The following KDM5A variants were observed in gnomAD, a reference collection of about 807,000 sequenced individuals.
KDM5A encodes the protein lysine demethylase 5A.
KDM5A carries 42 observed loss-of-function variants against 193.5 expected under a neutral mutation model. That is an observed-to-expected ratio of 0.22 (90% CI 0.17 to 0.28). The LOEUF is 0.28. Among genes scored for constraint, KDM5A ranks in the 10% least tolerant of loss-of-function variants. The pLI is 1.00. For synonymous variants in KDM5A, 796 were observed against 718.1 expected (o/e 1.11, Z -1.73); for missense variants, 1,692 against 2,055.1 (o/e 0.82, Z 3.42).
At chr12:382,309 T>A (rs1944584268) in intron 3 of KDM5A, among the ~76,000 whole-genome samples, 1 of 151,980 alleles carries the variant, frequency 6.6e-6, no homozygotes, top group South Asian at 2.1e-4. Context: ...CAGGCACCTG[T>A]AATCCCAGGT....
In KDM5A at chr12:281,704, A is replaced by C. The variant is rs538291259; in HGVS notation, c.*3752T>G. 11 of 235,476 alleles carry C rather than the reference A, an allele frequency of 4.7e-5. No individual in the cohort carries two copies. The highest frequency in any genetic ancestry group is 8.4e-5 in the Non-Finnish European group (10 of 119,374). The allele number at this position is 235,476 out of a possible 1,614,324, so 14.6% of individuals were successfully genotyped here. A position where few individuals can be genotyped will look rare whatever the true frequency, so the allele number is the denominator to read the frequency against. On this transcript the variant is annotated 3_prime_UTR_variant, in exon 28 of 28. Transcript: ENST00000399788. Reference sequence around the variant, plus strand: ...ATTTCCACTTTTCAAATCCCATGCCAAACTGTCACTTTTTCCCTTAAAAAG... The same window carrying C: ...ATTTCCACTTTTCAAATCCCATGCCCAACTGTCACTTTTTCCCTTAAAAAG...
At chr12:323,832 T>A (rs1291612228) in intron 14 of KDM5A, 51 bp from the exon 15 acceptor site, 1 of 1,488,562 alleles carries the variant, frequency 6.7e-7, no homozygotes, top group Admixed American at 1.7e-5. Context: ...CTTTAAAGCA[T>A]CAAAAAACTT....
chr12:361,410 G>A (rs1944293831), intron 5 of KDM5A, among the ~76,000 whole-genome samples: 1 of 152,086 alleles, frequency 6.6e-6, no homozygotes, highest in African/African-American at 2.4e-5. Flanking sequence ...TAGCCAGGAT[G>A]GTCTTGATCT....
intron 3 of KDM5A, among the ~76,000 whole-genome samples, chr12:369,041 G>A (rs962164478): frequency 3.3e-5 from 5 of 152,126 alleles, no homozygotes; most frequent in African/African-American, 1.2e-4. Context: ...ACCTATGGCC[G>A]AAGTACAATT....
At chr12:288,978 T>TAA (rs1408064327) in intron 27 of KDM5A, among the ~76,000 whole-genome samples, 1 of 152,226 alleles carries the variant, frequency 6.6e-6, no homozygotes, top group Non-Finnish European at 1.5e-5. Flanking sequence ...TTATCTGTGC[T>TAA]AAAAGGAGAT....
Position 389,136 on chromosome 12 carries a change from G to C in KDM5A, c.-45C>G, listed in dbSNP as rs552399890. On this transcript the variant is annotated 5_prime_UTR_variant, in exon 1 of 28. Coordinates refer to ENST00000399788, the MANE Select transcript of KDM5A (RefSeq NM_001042603.3). ...GGGGGGTCCCCGTGGGGAACCGGTG[G>C]AGAAAAGCTGGCTGAAGCCCACTAA... The C allele has an allele frequency of 5.1e-4, 797 of 1,578,026 alleles. 4 individuals are homozygous for C. The South Asian group carries it at 5.3e-3, about 11-fold the overall frequency.
intron 22 of KDM5A, among the ~76,000 whole-genome samples, chr12:308,558 T>C (rs963671458): frequency 9.9e-5 from 15 of 152,190 alleles, no homozygotes; most frequent in African/African-American, 3.1e-4. Flanking sequence ...ATAACAAAAC[T>C]TGACGATCAG....
At chr12:315,114 G>T (rs554061486) in intron 19 of KDM5A, among the ~76,000 whole-genome samples, 1 of 152,158 alleles carries the variant, frequency 6.6e-6, no homozygotes, top group Admixed American at 6.5e-5. Flanking sequence ...GGCAAGCTAC[G>T]ACAGCAGCCT....
intron 10 of KDM5A, among the ~76,000 whole-genome samples, chr12:336,267 G>C (rs1943931683): frequency 6.6e-6 from 1 of 150,916 alleles, no homozygotes; most frequent in African/African-American, 2.4e-5. Context: ...GCTGAGGTGG[G>C]AGGATCCCGT....
Position 297,188 on chromosome 12 carries a change from C to T in KDM5A, c.4087G>A (p.Val1363Met). The T allele has an allele frequency of 6.2e-7, 1 of 1,614,050 alleles. No homozygotes were observed. Among genetic ancestry groups the T allele is most frequent in the Non-Finnish European group, 8.5e-7 (1 of 1,179,954 alleles). Reference protein sequence around the residue: ...YGYDMKDTASVKSSSSLEPNL... With the variant: ...YGYDMKDTASMKSSSSLEPNL... Reference sequence around the variant, plus strand: ...GGTTCAAGACTACTAGAGGACTTCACACTGGCTGTGTCCTGAAGAAGAAAC... The same window carrying T: ...GGTTCAAGACTACTAGAGGACTTCATACTGGCTGTGTCCTGAAGAAGAAAC... The change falls in exon 25 of 28, where the codon GTG becomes ATG. Residue 1363 changes from valine to methionine, a missense_variant. By Grantham distance (21) the Val-to-Met change is conservative (BLOSUM62 1). This residue lies in a region of KDM5A where 965 missense variants were observed against 1,061.0 expected (regional missense o/e 0.91). Coordinates refer to ENST00000399788, the MANE Select transcript of KDM5A (RefSeq NM_001042603.3).
At chr12:352,987 C>G (rs1944182308) in intron 8 of KDM5A, among the ~76,000 whole-genome samples, 1 of 152,154 alleles carries the variant, frequency 6.6e-6, no homozygotes, top group African/African-American at 2.4e-5. Flanking sequence ...ACGACAATGA[C>G]AACACTGTAA....
In KDM5A at chr12:285,149, T is replaced by C; in HGVS notation, c.*307A>G. The C allele has an allele frequency of 2.3e-6, 1 of 441,440 alleles. No individual in the cohort carries two copies. Among genetic ancestry groups the C allele is most frequent in the South Asian group, 3.0e-5 (1 of 33,424 alleles). 27.3% of individuals were successfully genotyped at this position (441,440 alleles called of 1,614,324 possible). A position where few individuals can be genotyped will look rare whatever the true frequency, so the allele number is the denominator to read the frequency against. On this transcript the variant is annotated 3_prime_UTR_variant, in exon 28 of 28. Transcript: ENST00000399788. ...CCTATATGCCCTGTTAGCACACCAATGTATTAATACTAACCAGCCACCCTA... is the reference window on the plus strand; with the variant it reads ...CCTATATGCCCTGTTAGCACACCAACGTATTAATACTAACCAGCCACCCTA...
intron 10 of KDM5A, among the ~76,000 whole-genome samples, chr12:334,724 C>T (rs1199905546): frequency 6.6e-6 from 1 of 152,180 alleles, no homozygotes; most frequent in African/African-American, 2.4e-5. Flanking sequence ...CATCTTAATA[C>T]AACATCACTA....
At position 323,739 on chromosome 12, in the gene KDM5A, C is replaced by T. The variant is rs2137412111; in HGVS notation, c.2011G>A (p.Asp671Asn). 6.2e-7 allele frequency: 1 copy of T among 1,614,074 alleles called. No individual in the cohort carries two copies. Among genetic ancestry groups the T allele is most frequent in the Non-Finnish European group, 8.5e-7 (1 of 1,179,948 alleles). The stretch of plus-strand genomic sequence containing the variant: ...CATGCTGAACACTGCCGCTCATCAT[C>T]AGGAACAAGTTCAAACACTTCTTCT... ...SEEEVFELVP[D>N]DERQCSACRT... Residue 671 changes from aspartate (D) to asparagine (N), a missense_variant, in exon 15 of 28, where the codon GAT becomes AAT. This residue lies in a region of KDM5A where 88 missense variants were observed against 124.6 expected (regional missense o/e 0.71). Coordinates refer to ENST00000399788, the MANE Select transcript of KDM5A (RefSeq NM_001042603.3).
intron 27 of KDM5A, among the ~76,000 whole-genome samples, chr12:289,252 A>G (rs943742402): frequency 2.6e-5 from 4 of 152,142 alleles, no homozygotes; most frequent in Non-Finnish European, 5.9e-5. Context: ...ATACTACTTA[A>G]ATTAGTAGCC....
At chr12:357,881 C>T (rs987813757) in intron 5 of KDM5A, among the ~76,000 whole-genome samples, 1 of 147,556 alleles carries the variant, frequency 6.8e-6, no homozygotes, top group Non-Finnish European at 1.5e-5. Context: ...TCCCTTCCTT[C>T]CTGCTAAAGG....
At chr12:324,349 A>C (rs1007462336) in intron 14 of KDM5A, among the ~76,000 whole-genome samples, 1 of 152,142 alleles carries the variant, frequency 6.6e-6, no homozygotes, top group Admixed American at 6.5e-5. Flanking sequence ...TTTTGAGAGA[A>C]GGGAAGAAAA....
intron 14 of KDM5A, among the ~76,000 whole-genome samples, chr12:326,797 G>A (rs917677532): frequency 3.3e-5 from 5 of 150,122 alleles, no homozygotes; most frequent in Admixed American, 6.7e-5. Context: ...CCCGCAGGGC[G>A]GAGCTTGCAG....
intron 13 of KDM5A, among the ~76,000 whole-genome samples, chr12:330,924 A>G (rs1943856723): frequency 6.6e-6 from 1 of 152,216 alleles, no homozygotes; most frequent in African/African-American, 2.4e-5. Context: ...TGTGTATCAT[A>G]AATATACTGT....
Sources: gnomAD v4.1 joint callset for allele counts (sites outside exome capture counted in the v4.1 genomes callset) on GRCh38, gnomAD v4.1.1 for gene constraint, gnomAD v4.1.1 regional missense constraint, MANE v1.5 for transcripts, NCBI Gene and HGNC (gene_info 2026-07-23, HGNC 2026-07-21) for gene names.